ENOSF1: variants seen among roughly 807,000 people sequenced by gnomAD.
The protein encoded by ENOSF1 is enolase superfamily member 1, also known as mitochondrial enolase superfamily member 1.
In ENOSF1, 73 loss-of-function variants were observed where a neutral mutation model predicts 68.2. The ratio of observed to expected loss-of-function variants is 1.07; its 90% CI spans 0.89 to 1.30. The LOEUF is 1.30. Ranked by LOEUF, ENOSF1 falls within the 50% of genes most tolerant of loss-of-function variation. The pLI is 0.00. For missense variants in ENOSF1, 589 were observed against 554.5 expected, an observed-to-expected ratio of 1.06 and a Z score of -0.62; for synonymous variants, 223 against 210.4, an observed-to-expected ratio of 1.06 and a Z score of -0.52.
At chr18:666,502 C>T (rs1324945406), downstream of ENOSF1, among the ~76,000 whole-genome samples, 1 of 152,138 alleles carries the variant, frequency 6.6e-6, no homozygotes, top group East Asian at 1.9e-4. Context: ...GCCCCTCCCA[C>T]CTGTCCCTAG....
At chr18:702,815 TAA>T (rs2078508210) in intron 2 of ENOSF1, among the ~76,000 whole-genome samples, 2 of 152,170 alleles carry the variant, frequency 1.3e-5, no homozygotes, top group African/African-American at 4.8e-5. Flanking sequence ...GTAAATTTAA[TAA>T]AGTCATGATT....
chr18:678,303 G>T, intron 12 of ENOSF1: 1 of 312,796 alleles, frequency 3.2e-6, no homozygotes, highest in South Asian at 4.3e-5. Context: ...TCTGCTCGTG[G>T]GCTGACTGCA....
intron 11 of ENOSF1, 76 bp from the exon 12 acceptor site, chr18:678,813 A>C: frequency 6.6e-7 from 1 of 1,513,838 alleles, no homozygotes; most frequent in Non-Finnish European, 9.2e-7. Flanking sequence ...AAACATTTAT[A>C]GCTGAAGGAG....
At position 683,399 on chromosome 18, in the gene ENOSF1, C is replaced by T. The variant is rs780217695; in HGVS notation, c.742-19G>A. The stretch of plus-strand genomic sequence containing the variant: ...CCATCATCTGCAAAAAGAGACTCTT[C>T]ACAGGGAGGTCAGCCCTGAGCCAAC... On this transcript the variant is annotated intron_variant, in intron 10 of 15. Transcript: ENST00000647584. 1 of 1,613,830 alleles carries T rather than the reference C, an allele frequency of 6.2e-7. No individual in the cohort carries two copies. Among genetic ancestry groups the T allele is most frequent in the Admixed American group, 1.7e-5 (1 of 59,994 alleles).
chr18:686,782 C>T (rs2606259), intron 9 of ENOSF1: 30,776 of 152,324 alleles, frequency 0.2, 3,425 homozygotes, highest in Admixed American at 0.27. Flanking sequence ...CCTACCCTCC[C>T]TGTGCGCCTC....
downstream of ENOSF1, among the ~76,000 whole-genome samples, chr18:667,077 AGATGGTGATGGT>A (rs1253862846): frequency 2.5e-5 from 1 of 40,750 alleles, no homozygotes; most frequent in Non-Finnish European, 4.0e-5. Context: ...ATGGTGATGG[AGATGGTGATGGT>A]GATGGAGATG....
chr18:671,054 AT>A lies in ENOSF1; in HGVS notation c.*3250del. 1 of 677,286 alleles carries A rather than the reference AT, an allele frequency of 1.5e-6. No homozygotes were observed. The highest frequency in any genetic ancestry group is 2.5e-6 in the Non-Finnish European group (1 of 407,330). 42.0% of individuals were successfully genotyped at this position (677,286 alleles called of 1,614,324 possible). ...CTGGAAGGTTTTCTGGCCCTGTGGTATACGCACTAACAGATCTATACAGGTT... is the reference window on the plus strand; with the variant it reads ...CTGGAAGGTTTTCTGGCCCTGTGGTAACGCACTAACAGATCTATACAGGTT... On this transcript the variant is annotated 3_prime_UTR_variant, in exon 16 of 16. Coordinates refer to ENST00000647584, the MANE Select transcript of ENOSF1 (RefSeq NM_017512.7).
intron 2 of ENOSF1, among the ~76,000 whole-genome samples, chr18:698,899 G>A (rs2078028057): frequency 6.6e-6 from 1 of 152,114 alleles, no homozygotes; most frequent in African/African-American, 2.4e-5. Context: ...TGGGATTACA[G>A]GCCTGAGACA....
intron 12 of ENOSF1, 91 bp from the exon 13 acceptor site, chr18:677,963 TA>T (rs2075683641): frequency 6.2e-6 from 9 of 1,443,188 alleles, no homozygotes; most frequent in Non-Finnish European, 8.4e-6. Flanking sequence ...TCTATGCCAA[TA>T]ATTATTCATC....
At chr18:706,639 G>C in intron 1 of ENOSF1, 61 bp from the exon 2 acceptor site, 1 of 1,255,832 alleles carries the variant, frequency 8.0e-7, no homozygotes, top group Non-Finnish European at 1.2e-6. Flanking sequence ...AAAGAACCAT[G>C]AGAATGATGT....
At position 674,120 on chromosome 18, in the gene ENOSF1, T is replaced by A. The variant is rs1256502509; in HGVS notation, c.*185A>T. The A allele has an allele frequency of 1.8e-6, 1 of 541,064 alleles. No individual in the cohort carries two copies. The highest frequency in any genetic ancestry group is 3.3e-6 in the Non-Finnish European group (1 of 306,688). 33.5% of individuals were successfully genotyped at this position (541,064 alleles called of 1,614,324 possible). ...AAACTTATTTAAGGATTAAGTAGGATAACGTGCATTGATTTGCTAAAAGAA... is the reference window on the plus strand; with the variant it reads ...AAACTTATTTAAGGATTAAGTAGGAAAACGTGCATTGATTTGCTAAAAGAA... On this transcript the variant is annotated 3_prime_UTR_variant, in exon 16 of 16. Coordinates refer to ENST00000647584, the MANE Select transcript of ENOSF1 (RefSeq NM_017512.7).
downstream of ENOSF1, among the ~76,000 whole-genome samples, chr18:667,529 A>AGATGGT (rs1332006193): frequency 1.2e-4 from 2 of 16,952 alleles, no homozygotes; most frequent in Admixed American, 4.9e-4. Flanking sequence ...ATGGTGATGG[A>AGATGGT]GATGGTGATG....
Position 673,157 on chromosome 18 carries a change from T to TG in ENOSF1, c.*1147dup. The TG allele has an allele frequency of 1.4e-6, 1 of 711,106 alleles. No homozygotes were observed. Among genetic ancestry groups the TG allele is most frequent in the Non-Finnish European group, 2.1e-6 (1 of 467,140 alleles). The allele number at this position is 711,106 out of a possible 1,614,324, so 44.0% of individuals were successfully genotyped here. A position where few individuals can be genotyped will look rare whatever the true frequency, so the allele number is the denominator to read the frequency against. ...TTTTAAGGATGTTGCCACTGGCAAATGTAACTGTGCCAGTTCTTTCCATAA... is the reference window on the plus strand; with the variant it reads ...TTTTAAGGATGTTGCCACTGGCAAATGGTAACTGTGCCAGTTCTTTCCATAA... On this transcript the variant is annotated 3_prime_UTR_variant, in exon 16 of 16. Transcript: ENST00000647584.
intron 2 of ENOSF1, 114 bp from the exon 3 acceptor site, chr18:697,469 G>C: frequency 1.2e-6 from 1 of 832,988 alleles, no homozygotes; most frequent in Admixed American, 2.4e-5. Context: ...ATTAAATCTA[G>C]GCCAGGCGCG....
chr18:692,876 C>G (rs763227697), intron 5 of ENOSF1: 29 of 1,102,542 alleles, frequency 2.6e-5, no homozygotes, highest in Non-Finnish European at 3.0e-5. Flanking sequence ...TCTTCACTTT[C>G]CTCCGGAGGA....
chr18:671,520 C>T lies in ENOSF1; in HGVS notation c.*2785G>A, dbSNP rs2853536. 349,655 of 988,694 alleles carry T rather than the reference C, an allele frequency of 0.35. 67,077 individuals are homozygous for T. The highest frequency in any genetic ancestry group is 0.67 in the East Asian group (28,066 of 41,984). 61.2% of individuals were successfully genotyped at this position (988,694 alleles called of 1,614,324 possible). A position where few individuals can be genotyped will look rare whatever the true frequency, so the allele number is the denominator to read the frequency against. On this transcript the variant is annotated 3_prime_UTR_variant, in exon 16 of 16. Coordinates refer to ENST00000647584, the MANE Select transcript of ENOSF1 (RefSeq NM_017512.7). ...GATAAAAGGTTGACTGTGGAACAGGCATCTGCTCAATGCTGTGTCCAAGAT... is the reference window on the plus strand; with the variant it reads ...GATAAAAGGTTGACTGTGGAACAGGTATCTGCTCAATGCTGTGTCCAAGAT...
chr18:670,630 T>G lies in ENOSF1; in HGVS notation c.*3675A>C. The G allele has an allele frequency of 1.3e-6, 2 of 1,569,766 alleles. No homozygotes were observed. The highest frequency in any genetic ancestry group is 3.4e-4 in the Middle Eastern group (2 of 5,886). On this transcript the variant is annotated 3_prime_UTR_variant, in exon 16 of 16. Coordinates refer to ENST00000647584, the MANE Select transcript of ENOSF1 (RefSeq NM_017512.7). ...CTTCTGTTTCTCTCCTGTTTTACTT[T>G]GCCTTTAGCTGTGGTCTTTCAAACC...
chr18:694,662 T>C (rs2077536751), intron 3 of ENOSF1, among the ~76,000 whole-genome samples: 1 of 151,812 alleles, frequency 6.6e-6, no homozygotes, highest in Non-Finnish European at 1.5e-5. Context: ...AGAAAGATAT[T>C]TAGGTCTTCC....
At chr18:697,107 A>T in intron 3 of ENOSF1, 133 bp downstream of exon 3, 1 of 707,900 alleles carries the variant, frequency 1.4e-6, no homozygotes, top group Non-Finnish European at 2.5e-6. Flanking sequence ...ACAGAGTGAG[A>T]CTCCATCTCA....
Sources: gnomAD v4.1 joint callset for allele counts (sites outside exome capture counted in the v4.1 genomes callset) on GRCh38, gnomAD v4.1.1 for gene constraint, MANE v1.5 for transcripts, NCBI Gene and HGNC (gene_info 2026-07-23, HGNC 2026-07-21) for gene names.